DGKA: variants seen among roughly 807,000 people sequenced by gnomAD.
The protein encoded by DGKA is diacylglycerol kinase alpha.
A neutral mutation model predicts 105.0 loss-of-function variants in DGKA; 35 were observed. That is an observed-to-expected ratio of 0.33 (90% CI 0.25 to 0.44). The LOEUF is 0.44. Ranked by LOEUF, DGKA falls within the 20% of genes least tolerant of loss-of-function variation. The probability of loss-of-function intolerance (pLI) is 1.00; values close to 1 mark genes in which losing one functional copy is unlikely to be tolerated. For synonymous variants in DGKA, 296 were observed against 332.0 expected (o/e 0.89, Z 1.18); for missense variants, 665 against 915.0 (o/e 0.73, Z 3.53).
chr12:55,951,561 A>T, intron 17 of DGKA, 62 bp from the exon 18 acceptor site: 1 of 1,542,286 alleles, frequency 6.5e-7, no homozygotes, highest in Non-Finnish European at 8.8e-7. Flanking sequence ...TGGAGCTGGG[A>T]GCTGAGAAGA....
chr12:55,941,680 G>A (rs1036988744), intron 15 of DGKA, 96 bp downstream of exon 15: 41 of 1,275,104 alleles, frequency 3.2e-5, no homozygotes, highest in Non-Finnish European at 4.4e-5. Flanking sequence ...ATTGGGAGAG[G>A]AGGGCTAGAG....
At chr12:55,939,022 T>C (rs1453654201) in intron 7 of DGKA, 33 bp downstream of exon 7, 1 of 1,613,854 alleles carries the variant, frequency 6.2e-7, no homozygotes, top group Non-Finnish European at 8.5e-7. Context: ...TCCCTTCTTG[T>C]ACCTTCTTCC....
At chr12:55,933,938 A>G (rs569783348) in intron 1 of DGKA, among the ~76,000 whole-genome samples, 7 of 152,310 alleles carry the variant, frequency 4.6e-5, no homozygotes, top group Non-Finnish European at 7.3e-5. Context: ...TACATTGCAT[A>G]TATCATCTTA....
rs192818666 is a variant in DGKA at position 55,932,779 on chromosome 12, T to C, written c.-82+1435T>C. On this transcript the variant is annotated intron_variant, in intron 1 of 23. Transcript: ENST00000331886. This position sits in a 1 kb window ranked among gnomAD's most constrained non-coding sequence, Gnocchi z 4.3. Reference sequence around the variant, plus strand: ...AGGTGTAGCACTGCAGTCTTCAGTGTTTGTGGAGGCTTAATAAGTTTTGAG... The same window carrying C: ...AGGTGTAGCACTGCAGTCTTCAGTGCTTGTGGAGGCTTAATAAGTTTTGAG... 273 of 572,486 alleles carry C rather than the reference T, an allele frequency of 4.8e-4. No homozygotes were observed. The highest frequency in any genetic ancestry group is 4.4e-3 in the African/African-American group (237 of 53,394). The allele number at this position is 572,486 out of a possible 1,614,324, so 35.5% of individuals were successfully genotyped here. A position where few individuals can be genotyped will look rare whatever the true frequency, so the allele number is the denominator to read the frequency against.
At chr12:55,934,568 G>A (rs1385897132) in intron 1 of DGKA, among the ~76,000 whole-genome samples, 10 of 152,200 alleles carry the variant, frequency 6.6e-5, no homozygotes, top group Non-Finnish European at 1.3e-4. Flanking sequence ...AAGGAAAAGG[G>A]CTAGGCTGTT....
Position 55,952,659 on chromosome 12 carries a change from C to T in DGKA, c.1744-75C>T, listed in dbSNP as rs757512032. 49 of 1,518,202 alleles carry T rather than the reference C, an allele frequency of 3.2e-5. No individual in the cohort carries two copies. Among genetic ancestry groups the T allele is most frequent in the South Asian group, 1.6e-4 (14 of 87,346 alleles). 94.0% of individuals were successfully genotyped at this position (1,518,202 alleles called of 1,614,324 possible). On this transcript the variant is annotated intron_variant, in intron 20 of 23. Transcript: ENST00000331886. The surrounding 1 kb of genome is among the most constrained non-coding windows in gnomAD (Gnocchi z 5.1). Reference sequence around the variant, plus strand: ...CCAGTTTGTCATCTGGTGGAGGGAGCGATCACATCTATGATCATGCCATGA... The same window carrying T: ...CCAGTTTGTCATCTGGTGGAGGGAGTGATCACATCTATGATCATGCCATGA...
chr12:55,928,410 G>C (rs1015690121), upstream of DGKA: 1 of 152,246 alleles, frequency 6.6e-6, no homozygotes, highest in Admixed American at 6.6e-5. Context: ...AGGCGCGGTT[G>C]CTCACGCCTG....
At chr12:55,933,020 T>G (rs1267104374) in intron 1 of DGKA, 1 of 161,360 alleles carries the variant, frequency 6.2e-6, no homozygotes, top group East Asian at 1.7e-4. Context: ...GGACTTGGAA[T>G]GTGAGCAATG....
rs369198231 is a variant in DGKA, at chr12:55,941,255, G to A, written c.1105G>A (p.Asp369Asn). 76 of 1,612,434 alleles carry A rather than the reference G, an allele frequency of 4.7e-5. No individual in the cohort carries two copies. Among genetic ancestry groups the A allele is most frequent in the Non-Finnish European group, 5.9e-5 (69 of 1,178,762 alleles). Residue 369 changes from aspartate to asparagine, a missense_variant, in exon 14 of 24, where the codon GAC becomes AAC. By Grantham distance (23) the Asp-to-Asn change is conservative (BLOSUM62 1). Around this residue, in one of 3 missense-constraint regions of DGKA, gnomAD observed 504 missense variants for 681.2 expected, o/e 0.74. Transcript: ENST00000331886. Reference sequence around the variant, plus strand: ...TTATTTTCTTCCCCCAATGCAGATTGACCCTGTTCCTAACACCCACCCACT... The same window carrying A: ...TTATTTTCTTCCCCCAATGCAGATTAACCCTGTTCCTAACACCCACCCACT... ...NLSTSEALRI[D>N]PVPNTHPLLV...
intron 17 of DGKA, among the ~76,000 whole-genome samples, chr12:55,947,696 A>G (rs1407750033): frequency 6.6e-6 from 1 of 152,226 alleles, no homozygotes; most frequent in Admixed American, 6.5e-5. Context: ...GTGAACACTC[A>G]TACATCTATC....
Position 55,942,275 on chromosome 12 carries a change from G to A in DGKA, c.1426+12G>A. On this transcript the variant is annotated intron_variant, in intron 17 of 23. Coordinates refer to ENST00000331886, the MANE Select transcript of DGKA (RefSeq NM_001345.5). Reference sequence around the variant, plus strand: ...AAGATGGGGAGGAGGTAAGTGGTTAGAAATTGTTTTGCTGTAGGCTGAGAG... The same window carrying A: ...AAGATGGGGAGGAGGTAAGTGGTTAAAAATTGTTTTGCTGTAGGCTGAGAG... 1 of 1,613,910 alleles carries A rather than the reference G, an allele frequency of 6.2e-7. No homozygotes were observed. The highest frequency in any genetic ancestry group is 8.5e-7 in the Non-Finnish European group (1 of 1,179,800).
At chr12:55,938,656 A>G (rs779500762) in intron 6 of DGKA, 96 bp downstream of exon 6, 9 of 1,608,540 alleles carry the variant, frequency 5.6e-6, no homozygotes, top group Non-Finnish European at 7.7e-6. Flanking sequence ...GAAACAGAAG[A>G]GGATGGGGGG....
At chr12:55,949,044 C>T (rs1887622240) in intron 17 of DGKA, among the ~76,000 whole-genome samples, 1 of 151,494 alleles carries the variant, frequency 6.6e-6, no homozygotes, top group Non-Finnish European at 1.5e-5. Flanking sequence ...GAAAAACTTA[C>T]ATAAATAAGT....
At position 55,932,692 on chromosome 12, in the gene DGKA, TACACACACACACACACGCACACACACAC is replaced by T. The variant is rs1349241255; in HGVS notation, c.-82+1365_-82+1392del. 18 of 580,778 alleles carry T rather than the reference TACACACACACACACACGCACACACACAC, an allele frequency of 3.1e-5. No homozygotes were observed. The highest frequency in any genetic ancestry group is 4.3e-5 in the African/African-American group (2 of 46,536). 36.0% of individuals were successfully genotyped at this position (580,778 alleles called of 1,614,324 possible). A position where few individuals can be genotyped will look rare whatever the true frequency, so the allele number is the denominator to read the frequency against. ...TCCTATACTACGCAATGACACCCTC[TACACACACACACACACGCACACACACAC>T]ACACACACACACACACACACAACCC... is the stretch of plus-strand genomic sequence containing the variant. On this transcript the variant is annotated intron_variant, in intron 1 of 23. Transcript: ENST00000331886. The surrounding 1 kb of genome is among the most constrained non-coding windows in gnomAD (Gnocchi z 4.3).
At chr12:55,946,246 A>G (rs1468755962) in intron 17 of DGKA, among the ~76,000 whole-genome samples, 1 of 150,932 alleles carries the variant, frequency 6.6e-6, no homozygotes, top group African/African-American at 2.4e-5. Context: ...TCTGGGCTCA[A>G]TACCACCTCT....
rs1026792721 is a variant in DGKA, at chr12:55,952,743, A to G, written c.1753A>G (p.Lys585Glu). ...TGCCCCCTCCTCTCAGATCTGTGGG[A>G]AACCGCTGGATCTGAGCAACCTGTC... ...EESLTVEICG[K>E]PLDLSNLSLE... Residue 585 changes from lysine to glutamate, a missense_variant, in exon 21 of 24, where the codon AAA becomes GAA. Lys to Glu is a moderately conservative substitution (Grantham distance 56). Transcript: ENST00000331886. The surrounding 1 kb of genome is among the most constrained non-coding windows in gnomAD (Gnocchi z 5.1). 6.2e-6 allele frequency: 10 copies of G among 1,613,868 alleles called. No individual in the cohort carries two copies. The highest frequency in any genetic ancestry group is 8.5e-6 in the Non-Finnish European group (10 of 1,180,014).
chr12:55,942,455 T>TA (rs1409488742), intron 17 of DGKA, 192 bp downstream of exon 17: 9 of 584,846 alleles, frequency 1.5e-5, no homozygotes, highest in Non-Finnish European at 2.7e-5. Context: ...AATCTGAACC[T>TA]AGAAGGGTCA....
At position 55,932,715 on chromosome 12, in the gene DGKA, A is replaced by ACACACACACGCACG; in HGVS notation, c.-82+1380_-82+1381insGCACGCACACACAC. 1 of 457,090 alleles carries ACACACACACGCACG rather than the reference A, an allele frequency of 2.2e-6. No individual in the cohort carries two copies. The highest frequency in any genetic ancestry group is 3.9e-6 in the Non-Finnish European group (1 of 259,578). The allele number at this position is 457,090 out of a possible 1,614,324, so 28.3% of individuals were successfully genotyped here. ...TCTACACACACACACACACGCACAC[A>ACACACACACGCACG]CACACACACACACACACACACACAC... On this transcript the variant is annotated intron_variant, in intron 1 of 23. Transcript: ENST00000331886. The surrounding 1 kb of genome is among the most constrained non-coding windows in gnomAD (Gnocchi z 4.3).
rs1888335484 is a variant in DGKA, at chr12:55,952,332, C to T, written c.1653-9C>T. ...CTCCCTACTGGGCCTTGTGTTGGGG[C>T]TGACACAGAATGAAGAACAAGCTAT... On this transcript the variant is annotated splice_polypyrimidine_tract_variant and intron_variant, in intron 19 of 23. Transcript: ENST00000331886. This position sits in a 1 kb window ranked among gnomAD's most constrained non-coding sequence, Gnocchi z 5.1. The T allele has an allele frequency of 6.2e-7, 1 of 1,613,936 alleles. No homozygotes were observed. Among genetic ancestry groups the T allele is most frequent in the Non-Finnish European group, 8.5e-7 (1 of 1,179,868 alleles).
Sources: gnomAD v4.1 joint callset for allele counts (sites outside exome capture counted in the v4.1 genomes callset) on GRCh38, gnomAD v4.1.1 for gene constraint, gnomAD v4.1.1 regional missense constraint, Gnocchi (gnomAD v3.1) non-coding constraint, MANE v1.5 for transcripts, NCBI Gene and HGNC (gene_info 2026-07-23, HGNC 2026-07-21) for gene names.